Variants in AMBRA1 observed in about 807,000 individuals in gnomAD.
AMBRA1 encodes the protein activating molecule in BECN1-regulated autophagy protein 1.
A neutral mutation model predicts 125.4 loss-of-function variants in AMBRA1; 47 were observed. The observed-to-expected ratio is 0.37, with a 90% CI of 0.30 to 0.48. AMBRA1 has a LOEUF of 0.48. Ranked by LOEUF, AMBRA1 falls within the 20% of genes least tolerant of loss-of-function variation. The pLI is 0.99. For synonymous variants in AMBRA1, 626 were observed against 655.5 expected, an observed-to-expected ratio of 0.95 and a Z score of 0.69; for missense variants, 1,331 against 1,693.4, an observed-to-expected ratio of 0.79 and a Z score of 3.76.
chr11:46,507,900 A>C (rs1264867663), intron 9 of AMBRA1, among the ~76,000 whole-genome samples: 3 of 152,180 alleles, frequency 2.0e-5, no homozygotes, highest in Non-Finnish European at 4.4e-5. Flanking sequence ...TGCAAAAGGG[A>C]AATAAAAATG....
intron 1 of AMBRA1, among the ~76,000 whole-genome samples, chr11:46,573,328 C>T (rs1207411756): frequency 6.6e-6 from 1 of 151,382 alleles, no homozygotes; most frequent in Admixed American, 6.6e-5. Flanking sequence ...CGCTGGAACC[C>T]GGAGGGCAGA....
intron 9 of AMBRA1, among the ~76,000 whole-genome samples, chr11:46,504,063 T>C (rs1950941522): frequency 6.6e-6 from 1 of 152,178 alleles, no homozygotes; most frequent in Admixed American, 6.5e-5. Context: ...ATGCAGATAT[T>C]TGCGACTGAT....
intron 11 of AMBRA1, among the ~76,000 whole-genome samples, chr11:46,464,197 C>A (rs748044483): frequency 6.6e-6 from 1 of 152,200 alleles, no homozygotes; most frequent in Non-Finnish European, 1.5e-5. Flanking sequence ...TAGATGTTTT[C>A]ATGCATTCAA....
chr11:46,478,642 T>C (rs1466142292), intron 11 of AMBRA1, among the ~76,000 whole-genome samples: 1 of 128,670 alleles, frequency 7.8e-6, no homozygotes, highest in African/African-American at 2.8e-5. Context: ...TTTTTTTCTT[T>C]TTTCTCTTTT....
chr11:46,559,498 A>T (rs2043262108), intron 1 of AMBRA1, among the ~76,000 whole-genome samples: 2 of 152,136 alleles, frequency 1.3e-5, no homozygotes, highest in Non-Finnish European at 2.9e-5. Context: ...TGGCAGTAAA[A>T]TTTTTTTAAT....
intron 11 of AMBRA1, among the ~76,000 whole-genome samples, chr11:46,480,350 C>T (rs182956649): frequency 6.6e-6 from 1 of 152,258 alleles, no homozygotes; most frequent in East Asian, 1.9e-4. Context: ...TATTAATTGA[C>T]CACAGAGAAG....
At chr11:46,502,260 AT>A in intron 9 of AMBRA1, among the ~76,000 whole-genome samples, 1 of 152,248 alleles carries the variant, frequency 6.6e-6, no homozygotes, top group East Asian at 1.9e-4. Flanking sequence ...TTAAGAACTA[AT>A]TTTGTATAAT....
intron 15 of AMBRA1, among the ~76,000 whole-genome samples, chr11:46,412,430 G>A (rs568790990): frequency 2.6e-5 from 4 of 152,110 alleles, no homozygotes; most frequent in East Asian, 1.9e-4. Context: ...TACTACAGGC[G>A]TGCCTCACCA....
intron 7 of AMBRA1, 90 bp from the exon 8 acceptor site, chr11:46,512,903 T>C: frequency 8.2e-7 from 1 of 1,215,444 alleles, no homozygotes. Context: ...GATATATAAC[T>C]TTCCCCTTTT....
At chr11:46,580,840 G>A (rs1265105251) in intron 1 of AMBRA1, among the ~76,000 whole-genome samples, 1 of 152,066 alleles carries the variant, frequency 6.6e-6, no homozygotes, top group African/African-American at 2.4e-5. Context: ...CACCCGGCCT[G>A]GAGTGCAGTA....
chr11:46,543,833 A>G, intron 6 of AMBRA1, 142 bp downstream of exon 6: 1 of 720,596 alleles, frequency 1.4e-6, no homozygotes, highest in East Asian at 2.6e-5. Context: ...CTGAATATAC[A>G]GTCTGAAGCT....
Position 46,397,596 on chromosome 11 carries a change from A to C in AMBRA1, c.3751T>G (p.Ser1251Ala), listed in dbSNP as rs749895755. 17 of 1,604,108 alleles carry C rather than the reference A, an allele frequency of 1.1e-5. No homozygotes were observed. Among genetic ancestry groups the C allele is most frequent in the Non-Finnish European group, 8.5e-7 (1 of 1,174,020 alleles). ...REPTQPTLPS[S>A]SPVPIPVSLP... ...GAAACAGGAATGGGGACAGGGGAGG[A>C]AGAGGGCAGGGTTGGCTGGGTTGGC... Residue 1251 changes from serine to alanine, a missense_variant, in exon 18 of 18, where the codon TCC (serine) becomes GCC (alanine). Coordinates refer to ENST00000683756, the MANE Select transcript of AMBRA1 (RefSeq NM_001387011.1).
intron 1 of AMBRA1, among the ~76,000 whole-genome samples, chr11:46,556,539 A>G (rs1423153644): frequency 2.0e-5 from 3 of 152,176 alleles, no homozygotes; most frequent in Non-Finnish European, 4.4e-5. Flanking sequence ...CATGAGTGAT[A>G]TTTATTTTAT....
chr11:46,528,390 C>T (rs563370391), intron 7 of AMBRA1, among the ~76,000 whole-genome samples: 100 of 152,290 alleles, frequency 6.6e-4, no homozygotes, highest in African/African-American at 2.3e-3. Context: ...AGGCTGGTCT[C>T]GAACACCTGA....
intron 14 of AMBRA1, among the ~76,000 whole-genome samples, chr11:46,432,074 A>G (rs1947483484): frequency 6.6e-6 from 1 of 151,978 alleles, no homozygotes; most frequent in African/African-American, 2.4e-5. Flanking sequence ...TCATTCATTC[A>G]TTCACTTTCT....
intron 7 of AMBRA1, among the ~76,000 whole-genome samples, chr11:46,522,336 C>T (rs1420932706): frequency 6.6e-6 from 1 of 152,208 alleles, no homozygotes; most frequent in African/African-American, 2.4e-5. Flanking sequence ...ATAATAAAAA[C>T]TCACTTTAGT....
intron 1 of AMBRA1, among the ~76,000 whole-genome samples, chr11:46,566,769 C>T (rs184368219): frequency 2.0e-5 from 3 of 152,280 alleles, no homozygotes; most frequent in East Asian, 1.9e-4. Flanking sequence ...TTTAACTGCC[C>T]TTGGTCATTC....
intron 1 of AMBRA1, among the ~76,000 whole-genome samples, chr11:46,551,368 G>A (rs117082751): frequency 0.014 from 2,194 of 151,986 alleles, 30 homozygotes; most frequent in Middle Eastern, 0.027. Flanking sequence ...GCTGGAGTGC[G>A]ATGGTGCAAT....
intron 14 of AMBRA1, chr11:46,428,907 A>G (rs1947303959): frequency 6.2e-7 from 1 of 1,611,924 alleles, no homozygotes. Flanking sequence ...AGATGAAGGT[A>G]ATCACGGAGA....
Sources: gnomAD v4.1 joint callset for allele counts (sites outside exome capture counted in the v4.1 genomes callset) on GRCh38, gnomAD v4.1.1 for gene constraint, MANE v1.5 for transcripts, NCBI Gene and HGNC (gene_info 2026-07-23, HGNC 2026-07-21) for gene names.